The following PSEN2 variants were observed in gnomAD, a reference collection of about 807,000 sequenced individuals.
PSEN2 encodes the protein presenilin 2.
Under a neutral mutation model 49.1 loss-of-function variants are expected in PSEN2, and 32 were observed. The ratio of observed to expected loss-of-function variants is 0.65; its 90% CI spans 0.49 to 0.88. The LOEUF (loss-of-function observed/expected upper bound fraction) is 0.88. Ranked by LOEUF, PSEN2 falls within the 40% of genes least tolerant of loss-of-function variation. PSEN2 has a pLI of 0.00. For missense variants in PSEN2, 522 were observed against 586.9 expected (o/e 0.89, Z 1.14); for synonymous variants, 255 against 244.0 (o/e 1.05, Z -0.42).
rs559311441 is a variant in PSEN2, at chr1:226,885,403, G to A, written c.357-135G>A. On this transcript the variant is annotated intron_variant, in intron 5 of 12. Transcript: ENST00000366783. ...GGAACTGCTCATGGGGATGGTGCCC[G>A]CACTCCATCAGGGCAGCATGTGGGC... 7.1e-5 allele frequency: 68 copies of A among 956,690 alleles called. No homozygotes were observed. The African/African-American group carries it at 9.6e-4, about 14-fold the overall frequency. The allele number at this position is 956,690 out of a possible 1,614,324, so 59.3% of individuals were successfully genotyped here.
At chr1:226,881,747 T>G in intron 3 of PSEN2, 141 bp from the exon 4 acceptor site, 3 of 911,734 alleles carry the variant, frequency 3.3e-6, no homozygotes, top group Non-Finnish European at 1.8e-6. Context: ...TGGCAGTCGT[T>G]TGATTGACAG....
intron 9 of PSEN2, chr1:226,890,484 G>A (rs1558151062): frequency 2.9e-6 from 1 of 339,304 alleles, no homozygotes. Context: ...AGGGCAGGGG[G>A]TCGGGGAGCA....
At chr1:226,895,368 C>T (rs2102698338) in intron 12 of PSEN2, 56 bp from the exon 13 acceptor site, 1 of 1,603,018 alleles carries the variant, frequency 6.2e-7, no homozygotes, top group South Asian at 1.1e-5. Flanking sequence ...CCATGACTCA[C>T]AGCTCCTGTC....
Position 226,879,308 on chromosome 1 carries a change from T to C in PSEN2, c.-20-2580T>C, listed in dbSNP as rs529925218. On this transcript the variant is annotated intron_variant, in intron 3 of 12. Coordinates refer to ENST00000366783, the MANE Select transcript of PSEN2 (RefSeq NM_000447.3). ...TGTGCTCTATTTGTATGGATTTTGC[T>C]GGTTCCCAGAACTTCCCTGTGGCCC... Among the ~76,000 whole-genome samples, 6 of 152,352 alleles carry C rather than the reference T, an allele frequency of 3.9e-5. No individual in the cohort carries two copies. The South Asian group carries it at 1.2e-3, about 32-fold the overall frequency.
chr1:226,901,759 T>G (rs1433018993), intron 12 of PSEN2, among the ~76,000 whole-genome samples: 2 of 152,192 alleles, frequency 1.3e-5, no homozygotes, highest in Non-Finnish European at 2.9e-5. Context: ...GAGAATGACT[T>G]TTAAAATGAC....
chr1:226,895,337 C>T, intron 12 of PSEN2, 87 bp from the exon 13 acceptor site: 1 of 1,507,896 alleles, frequency 6.6e-7, no homozygotes, highest in South Asian at 1.2e-5. Context: ...CTCGAACAAG[C>T]TCCTGTGCCC....
At chr1:226,887,498 C>A (rs568451095) in intron 6 of PSEN2, among the ~76,000 whole-genome samples, 1 of 152,140 alleles carries the variant, frequency 6.6e-6, no homozygotes, top group African/African-American at 2.4e-5. Context: ...CTTCACTCTC[C>A]CATCCTTGGC....
chr1:226,883,813 G>A lies in PSEN2; in HGVS notation c.250G>A (p.Gly84Arg), dbSNP rs1302750366. 7 of 1,614,044 alleles carry A rather than the reference G, an allele frequency of 4.3e-6. No individual in the cohort carries two copies. The highest frequency in any genetic ancestry group is 2.7e-5 in the African/African-American group (2 of 74,926). ...GLEEELTLKY[G>R]AKHVIMLFVP... The stretch of plus-strand genomic sequence containing the variant: ...GGAGGAAGAGCTGACCCTCAAATAC[G>A]GAGCGAAGCACGTGATCATGCTGTT... The change falls in exon 5 of 13, where the codon GGA (glycine) becomes AGA (arginine). Residue 84 changes from glycine to arginine, a missense_variant. Gly to Arg is a moderately radical substitution (Grantham distance 125). Coordinates refer to ENST00000366783, the MANE Select transcript of PSEN2 (RefSeq NM_000447.3).
intron 3 of PSEN2, among the ~76,000 whole-genome samples, chr1:226,876,983 C>A (rs1446928027): frequency 6.6e-6 from 1 of 152,144 alleles, no homozygotes; most frequent in East Asian, 1.9e-4. Context: ...TTTTTCCACT[C>A]CTCCTCCTCC....
intron 3 of PSEN2, among the ~76,000 whole-genome samples, chr1:226,878,652 C>G (rs1047549899): frequency 1.3e-5 from 2 of 152,132 alleles, no homozygotes; most frequent in African/African-American, 4.8e-5. Context: ...TACAGGGACT[C>G]CCAGAACTGC....
In PSEN2 at chr1:226,892,329, T is replaced by G. The variant is rs544856899; in HGVS notation, c.1072+485T>G. Among the ~76,000 whole-genome samples the G allele has an allele frequency of 1.7e-4, 26 of 152,272 alleles. No homozygotes were observed. In the South Asian group the frequency reaches 5.0e-3, roughly 29 times the overall value. On this transcript the variant is annotated intron_variant, in intron 11 of 12. Coordinates refer to ENST00000366783, the MANE Select transcript of PSEN2 (RefSeq NM_000447.3). ...GGAGCACAGGGTGGGGAGCATTTCC[T>G]GACAGACAGACTCAGGAATCAGAGG... is the stretch of plus-strand genomic sequence containing the variant.
rs769784241 is a variant in PSEN2, at chr1:226,883,701, A to G, written c.142-4A>G. On this transcript the variant is annotated splice_region_variant and splice_polypyrimidine_tract_variant and intron_variant, in intron 4 of 12. Transcript: ENST00000366783. Reference sequence around the variant, plus strand: ...TGCGGCCCTCACGATGTGGTTTCCCACAGAGAAGCCAGGAGAACGAGGAGG... The same window carrying G: ...TGCGGCCCTCACGATGTGGTTTCCCGCAGAGAAGCCAGGAGAACGAGGAGG... The G allele has an allele frequency of 1.1e-4, 180 of 1,613,528 alleles. No homozygotes were observed. The highest frequency in any genetic ancestry group is 1.5e-4 in the Non-Finnish European group (179 of 1,179,910).
At chr1:226,898,398 A>G (rs1346095033), downstream of PSEN2, 1 of 152,176 alleles carries the variant, frequency 6.6e-6, no homozygotes, top group East Asian at 1.9e-4. Flanking sequence ...GGATTTGAGG[A>G]AGTATTGGAA....
At chr1:226,889,163 G>A in intron 8 of PSEN2, 114 bp downstream of exon 8, 1 of 947,572 alleles carries the variant, frequency 1.1e-6, no homozygotes, top group Admixed American at 2.1e-5. Flanking sequence ...TTTCTGCAGA[G>A]GCCTGGGTGG....
At chr1:226,894,401 G>A (rs1661981309) in intron 12 of PSEN2, among the ~76,000 whole-genome samples, 1 of 152,224 alleles carries the variant, frequency 6.6e-6, no homozygotes, top group South Asian at 2.1e-4. Flanking sequence ...CCTCCAGGCC[G>A]AGGACCCAGC....
intron 8 of PSEN2, among the ~76,000 whole-genome samples, chr1:226,889,659 C>T (rs909476190): frequency 2.6e-5 from 4 of 152,374 alleles, no homozygotes; most frequent in African/African-American, 9.6e-5. Context: ...TTCATCAAGA[C>T]AGTCCTTTGG....
chr1:226,882,055 C>A lies in PSEN2; in HGVS notation c.141+7C>A. On this transcript the variant is annotated splice_region_variant and intron_variant, in intron 4 of 12. Transcript: ENST00000366783. Reference sequence around the variant, plus strand: ...AGAGAACACTGCCCAGTGGGTAGGTCCCACCAGCAGCTGGGGGCCTTCAAA... The same window carrying A: ...AGAGAACACTGCCCAGTGGGTAGGTACCACCAGCAGCTGGGGGCCTTCAAA... 6.2e-7 allele frequency: 1 copy of A among 1,613,716 alleles called. No individual in the cohort carries two copies. The highest frequency in any genetic ancestry group is 1.1e-5 in the South Asian group (1 of 91,068).
In PSEN2 at chr1:226,888,249, G is replaced by C. The variant is rs113439784; in HGVS notation, c.566+91G>C. 1,964 of 1,218,742 alleles carry C rather than the reference G, an allele frequency of 1.6e-3. 5 individuals are homozygous for C. Among genetic ancestry groups the C allele is most frequent in the Non-Finnish European group, 1.7e-3 (1,375 of 830,774 alleles). The allele number at this position is 1,218,742 out of a possible 1,614,324, so 75.5% of individuals were successfully genotyped here. ...CATGAGGACCTGGGCGGGGAAAGAT[G>C]ACCATCGAGCTCCAGTCTTCCCCAG... On this transcript the variant is annotated intron_variant, in intron 7 of 12. Transcript: ENST00000366783.
intron 5 of PSEN2, among the ~76,000 whole-genome samples, chr1:226,884,160 C>T (rs572427015): frequency 2.6e-5 from 4 of 152,184 alleles, no homozygotes; most frequent in Non-Finnish European, 5.9e-5. Context: ...GGGTTGATAA[C>T]GCAGTTACTG....
Sources: allele counts gnomAD v4.1 joint callset (sites outside exome capture counted in the v4.1 genomes callset), GRCh38; gene constraint gnomAD v4.1.1; transcripts MANE v1.5; gene names NCBI Gene and HGNC (gene_info 2026-07-23, HGNC 2026-07-21).